ESRRG: variants seen among roughly 807,000 people sequenced by gnomAD.
ESRRG encodes the protein estrogen related receptor gamma.
In ESRRG, 13 loss-of-function variants were observed where a neutral mutation model predicts 44.0. The observed-to-expected ratio is 0.30, with a 90% CI of 0.19 to 0.47. The LOEUF (loss-of-function observed/expected upper bound fraction) is 0.47, where lower values mean the gene tolerates loss of function less well. ESRRG is among the 20% of genes least tolerant of loss of function. The pLI is 1.00. For missense variants in ESRRG, 395 were observed against 580.6 expected (o/e 0.68, Z 3.29); for synonymous variants, 215 against 214.6 (o/e 1.00, Z -0.02).
intron 2 of ESRRG, among the ~76,000 whole-genome samples, chr1:216,922,618 G>A (rs1016729872): frequency 6.6e-6 from 1 of 152,140 alleles, no homozygotes; most frequent in African/African-American, 2.4e-5. Flanking sequence ...TCCTATAGTT[G>A]CAGGATTTCA....
At chr1:217,027,374 C>T (rs888805631) in intron 1 of ESRRG, among the ~76,000 whole-genome samples, 1 of 152,172 alleles carries the variant, frequency 6.6e-6, no homozygotes, top group Admixed American at 6.5e-5. Context: ...TTTCCTTACA[C>T]CCTAGTTCTT....
chr1:216,951,853 CACAG>C (rs1341698554), intron 1 of ESRRG, among the ~76,000 whole-genome samples: 3 of 151,330 alleles, frequency 2.0e-5, no homozygotes, highest in Middle Eastern at 7.0e-3. Flanking sequence ...AAAACACACA[CACAG>C]ACATATACAC....
chr1:216,560,284 C>T (rs1425690701), intron 5 of ESRRG, among the ~76,000 whole-genome samples: 1 of 152,076 alleles, frequency 6.6e-6, no homozygotes, highest in Non-Finnish European at 1.5e-5. Context: ...GCCCCCCAAA[C>T]TTGAGCAAAG....
intron 1 of ESRRG, among the ~76,000 whole-genome samples, chr1:217,128,823 G>T (rs2102527396): frequency 6.6e-6 from 1 of 152,126 alleles, no homozygotes; most frequent in Non-Finnish European, 1.5e-5. Context: ...TTTTTGTTTT[G>T]TGTTATGTTT....
intron 1 of ESRRG, among the ~76,000 whole-genome samples, chr1:216,697,408 C>T (rs1370535138): frequency 6.6e-6 from 1 of 152,206 alleles, no homozygotes. Context: ...TGTTTAAGCA[C>T]TTTAGTAATG....
chr1:216,597,373 C>G (rs72737326), intron 3 of ESRRG, among the ~76,000 whole-genome samples: 1 of 151,804 alleles, frequency 6.6e-6, no homozygotes, highest in African/African-American at 2.4e-5. Context: ...CTGGAGAGGT[C>G]AAAGAAGGAA....
At chr1:216,951,069 A>G (rs903539234) in intron 1 of ESRRG, among the ~76,000 whole-genome samples, 1 of 152,230 alleles carries the variant, frequency 6.6e-6, no homozygotes, top group African/African-American at 2.4e-5. Flanking sequence ...AGCAGTAGCC[A>G]TGAAATATCA....
intron 2 of ESRRG, among the ~76,000 whole-genome samples, chr1:216,753,006 G>A (rs2092166691): frequency 6.6e-6 from 1 of 151,960 alleles, no homozygotes; most frequent in Admixed American, 6.6e-5. Context: ...TAAAAGAAAG[G>A]TAGATGCAGA....
intron 5 of ESRRG, among the ~76,000 whole-genome samples, chr1:216,521,499 C>T (rs1466673844): frequency 6.6e-6 from 1 of 151,848 alleles, no homozygotes; most frequent in Non-Finnish European, 1.5e-5. Context: ...ATGAATGGGT[C>T]TTTTCAATTT....
intron 1 of ESRRG, among the ~76,000 whole-genome samples, chr1:217,049,677 A>G (rs2085550584): frequency 6.6e-6 from 1 of 152,160 alleles, no homozygotes; most frequent in Non-Finnish European, 1.5e-5. Flanking sequence ...TCCACTGGGC[A>G]AGGTCCTCCA....
intron 2 of ESRRG, among the ~76,000 whole-genome samples, chr1:216,809,325 T>TAAA (rs201618241): frequency 1.3e-4 from 16 of 119,112 alleles, no homozygotes; most frequent in African/African-American, 4.1e-4. Context: ...TTTTTTACAG[T>TAAA]AAAAAAAAAA....
intron 5 of ESRRG, among the ~76,000 whole-genome samples, chr1:216,539,487 T>A (rs1424591479): frequency 6.6e-6 from 1 of 151,898 alleles, no homozygotes; most frequent in Non-Finnish European, 1.5e-5. Context: ...TCCCTGACCC[T>A]CGGTTCATTC....
chr1:216,824,464 TAATA>T (rs2095357140), intron 2 of ESRRG, among the ~76,000 whole-genome samples: 1 of 150,872 alleles, frequency 6.6e-6, no homozygotes, highest in Non-Finnish European at 1.5e-5. Context: ...AAAATAATAA[TAATA>T]AATAGTCATT....
intron 1 of ESRRG, among the ~76,000 whole-genome samples, chr1:216,986,765 G>T (rs2074949530): frequency 6.6e-6 from 1 of 151,880 alleles, no homozygotes; most frequent in African/African-American, 2.4e-5. Flanking sequence ...AAGAAAAAGG[G>T]CTTGAAATGC....
intron 6 of ESRRG, among the ~76,000 whole-genome samples, chr1:216,508,841 C>T (rs2041935503): frequency 6.6e-6 from 1 of 152,054 alleles, no homozygotes; most frequent in African/African-American, 2.4e-5. Context: ...TCTAGATACA[C>T]AAAAGACTGC....
chr1:216,551,587 T>TAAAACCCTC (rs1418705922), intron 5 of ESRRG, among the ~76,000 whole-genome samples: 1 of 152,148 alleles, frequency 6.6e-6, no homozygotes, highest in Non-Finnish European at 1.5e-5. Flanking sequence ...ACAGACGTGT[T>TAAAACCCTC]AAAACCCTCA....
intron 1 of ESRRG, among the ~76,000 whole-genome samples, chr1:216,988,676 T>A (rs963113283): frequency 1.3e-5 from 2 of 152,226 alleles, no homozygotes; most frequent in African/African-American, 2.4e-5. Context: ...CATATTTGTA[T>A]ATTTCCCTGG....
At chr1:216,855,594 G>A (rs958681011) in intron 2 of ESRRG, among the ~76,000 whole-genome samples, 1 of 152,144 alleles carries the variant, frequency 6.6e-6, no homozygotes, top group East Asian at 1.9e-4. Context: ...AGGCCGCAAC[G>A]AGACTGCCAA....
chr1:216,910,485 C>T (rs999999996), intron 2 of ESRRG, among the ~76,000 whole-genome samples: 1 of 152,188 alleles, frequency 6.6e-6, no homozygotes, highest in African/African-American at 2.4e-5. Context: ...TCTGCCATCA[C>T]CACCTTCCTT....
Sources: gnomAD v4.1 joint callset for allele counts (sites outside exome capture counted in the v4.1 genomes callset) on GRCh38, gnomAD v4.1.1 for gene constraint, MANE v1.5 for transcripts, NCBI Gene and HGNC (gene_info 2026-07-23, HGNC 2026-07-21) for gene names.